MARVELD2: variants seen among roughly 807,000 people sequenced by gnomAD.
The protein encoded by MARVELD2 is MARVEL domain-containing protein 2.
MARVELD2 carries 49 observed loss-of-function variants against 57.6 expected under a neutral mutation model. The ratio of observed to expected loss-of-function variants is 0.85; its 90% CI spans 0.68 to 1.08. MARVELD2 has a LOEUF of 1.08. Among genes scored for constraint, MARVELD2 ranks in the 50% least tolerant of loss-of-function variants. The pLI is 0.00. For synonymous variants in MARVELD2, 238 were observed against 258.8 expected (o/e 0.92, Z 0.77); for missense variants, 606 against 701.1 (o/e 0.86, Z 1.53).
intron 5 of MARVELD2, among the ~76,000 whole-genome samples, chr5:69,437,121 G>A (rs570836700): frequency 1.5e-4 from 23 of 151,410 alleles, no homozygotes; most frequent in Non-Finnish European, 2.2e-4. Flanking sequence ...CCCGGGAGTC[G>A]GAGGTTGCAG....
chr5:69,437,345 C>T (rs1767181060), intron 5 of MARVELD2, among the ~76,000 whole-genome samples: 1 of 144,658 alleles, frequency 6.9e-6, no homozygotes, highest in Admixed American at 7.1e-5. Context: ...CGCGCCATTG[C>T]ACTCCAGCCT....
chr5:69,420,411 A>G lies in MARVELD2; in HGVS notation c.1026A>G (p.Ile342Met). The change falls in exon 2 of 7, where the codon ATA becomes ATG. Residue 342 changes from isoleucine (I) to methionine (M), a missense_variant. Ile to Met is a conservative substitution (Grantham distance 10). Transcript: ENST00000325631. ...AVFCRVEGGQ[I>M]AAMIFLFVTM... ...TCTGCCGGGTAGAAGGAGGACAGAT[A>G]GCTGCAATGATCTTCCTGTTTGTCA... 6.2e-7 allele frequency: 1 copy of G among 1,614,080 alleles called. No homozygotes were observed. The highest frequency in any genetic ancestry group is 8.5e-7 in the Non-Finnish European group (1 of 1,180,044).
In MARVELD2 at chr5:69,419,077, C is replaced by T; in HGVS notation, c.-15-294C>T. 4 of 448,990 alleles carry T rather than the reference C, an allele frequency of 8.9e-6. No homozygotes were observed. In the South Asian group the frequency reaches 9.3e-5, roughly 10 times the overall value. The allele number at this position is 448,990 out of a possible 1,614,324, so 27.8% of individuals were successfully genotyped here. A position where few individuals can be genotyped will look rare whatever the true frequency, so the allele number is the denominator to read the frequency against. On this transcript the variant is annotated intron_variant, in intron 1 of 6. Transcript: ENST00000325631. ...AGTAGCTGGGATCACAGGCGCATGC[C>T]ACAACGCCTGGCTAGTTTTTGTATT...
At position 69,441,848 on chromosome 5, in the gene MARVELD2, C is replaced by A. The variant is rs1306741045; in HGVS notation, c.*194C>A. ...GGGATTACAGGCGTGCGCTGCCACA[C>A]CCCGCTAATTTTTGTATTTTTAGTA... is the stretch of plus-strand genomic sequence containing the variant. On this transcript the variant is annotated 3_prime_UTR_variant, in exon 7 of 7. Transcript: ENST00000325631. The A allele has an allele frequency of 5.0e-6, 2 of 403,742 alleles. No homozygotes were observed. The highest frequency in any genetic ancestry group is 9.1e-6 in the Non-Finnish European group (2 of 218,704). 25.0% of individuals were successfully genotyped at this position (403,742 alleles called of 1,614,324 possible).
At chr5:69,433,449 G>A (rs973970313) in intron 5 of MARVELD2, among the ~76,000 whole-genome samples, 4 of 132,554 alleles carry the variant, frequency 3.0e-5, no homozygotes, top group African/African-American at 1.1e-4. Context: ...ACCGCATTTG[G>A]CATAAAATCT....
At chr5:69,427,233 T>C (rs768621940) in intron 3 of MARVELD2, among the ~76,000 whole-genome samples, 11 of 152,326 alleles carry the variant, frequency 7.2e-5, no homozygotes, top group South Asian at 2.1e-4. Context: ...TGCAGGTTTA[T>C]ATTATAAGCT....
At chr5:69,430,237 G>A (rs1015090002) in intron 3 of MARVELD2, among the ~76,000 whole-genome samples, 2 of 152,018 alleles carry the variant, frequency 1.3e-5, no homozygotes, top group Non-Finnish European at 2.9e-5. Flanking sequence ...TCATGGTGGT[G>A]TGCACCTGTA....
At chr5:69,432,429 C>A in intron 3 of MARVELD2, 98 bp from the exon 4 acceptor site, 2 of 1,357,328 alleles carry the variant, frequency 1.5e-6, no homozygotes, top group Non-Finnish European at 2.1e-6. Flanking sequence ...GTTTGAGCCA[C>A]CCCACCTGAT....
intron 1 of MARVELD2, among the ~76,000 whole-genome samples, chr5:69,416,609 G>A (rs752974226): frequency 2.0e-5 from 3 of 152,226 alleles, no homozygotes; most frequent in Non-Finnish European, 4.4e-5. Flanking sequence ...TCTATTGGCA[G>A]AGGAAATAGT....
rs188519988 is a variant in MARVELD2, at chr5:69,430,783, C to A, written c.1183-1744C>A. 3.5e-4 allele frequency among the ~76,000 whole-genome samples: 53 copies of A among 151,610 alleles called. 1 individual carries two copies. Among genetic ancestry groups the A allele is most frequent in the Admixed American group, 3.2e-3 (49 of 15,220 alleles). On this transcript the variant is annotated intron_variant, in intron 3 of 6. Coordinates refer to ENST00000325631, the MANE Select transcript of MARVELD2 (RefSeq NM_001038603.3). The stretch of plus-strand genomic sequence containing the variant: ...TCCTGACATTAAATGATCCACCCCC[C>A]TCGGCCTCCCAAAGTGCTGAGATTA...
chr5:69,434,440 C>T (rs1418483744), intron 5 of MARVELD2, among the ~76,000 whole-genome samples: 1 of 143,464 alleles, frequency 7.0e-6, no homozygotes, highest in Non-Finnish European at 1.5e-5. Flanking sequence ...GCCTGAAGGA[C>T]AGAGTGAGAC....
At position 69,419,971 on chromosome 5, in the gene MARVELD2, C is replaced by T. The variant is rs770998394; in HGVS notation, c.586C>T (p.Leu196=). The T allele has an allele frequency of 5.0e-6, 8 of 1,614,018 alleles. No individual in the cohort carries two copies. In the Admixed American group the frequency reaches 1.2e-4, roughly 24 times the overall value. The change falls in exon 2 of 7, where the codon CTG becomes TTG. Residue 196 remains leucine (L), a synonymous_variant. Coordinates refer to ENST00000325631, the MANE Select transcript of MARVELD2 (RefSeq NM_001038603.3). ...GTCGTGGGCAGGCCTGCTGAGAATA[C>T]TGGGTGTGGTGGAGCTGCTTTTGGG... The part of the protein sequence containing the change: ...MKSWAGLLRI[L]GVVELLLGAG...
At position 69,424,607 on chromosome 5, in the gene MARVELD2, G is replaced by A; in HGVS notation, c.1153G>A (p.Glu385Lys). ...REYMEQQEINEPSLSSKRKMC... is the reference protein window; with the variant it reads ...REYMEQQEINKPSLSSKRKMC... ...TGAACTCTTTTTGTTCCAGATAAATGAGCCATCATTGTCATCGAAAAGGAA... is the reference window on the plus strand; with the variant it reads ...TGAACTCTTTTTGTTCCAGATAAATAAGCCATCATTGTCATCGAAAAGGAA... Residue 385 changes from glutamate to lysine, a missense_variant, in exon 3 of 7, where the codon GAG becomes AAG. Coordinates refer to ENST00000325631, the MANE Select transcript of MARVELD2 (RefSeq NM_001038603.3). 6.2e-7 allele frequency: 1 copy of A among 1,603,880 alleles called. No homozygotes were observed. Among genetic ancestry groups the A allele is most frequent in the Non-Finnish European group, 8.5e-7 (1 of 1,170,426 alleles).
At position 69,442,441 on chromosome 5, in the gene MARVELD2, T is replaced by G. The variant is rs1460340042; in HGVS notation, c.*787T>G. ...GCAAATTGCTTAATCTCTCTGTGCC[T>G]GTTTCCTCTTCTGTAAAATGGGGCT... On this transcript the variant is annotated 3_prime_UTR_variant, in exon 7 of 7. Coordinates refer to ENST00000325631, the MANE Select transcript of MARVELD2 (RefSeq NM_001038603.3). 6.6e-6 allele frequency: 1 copy of G among 152,252 alleles called. No homozygotes were observed. Among genetic ancestry groups the G allele is most frequent in the Non-Finnish European group, 1.5e-5 (1 of 68,060 alleles). The allele number at this position is 152,252 out of a possible 1,614,324, so 9.4% of individuals were successfully genotyped here.
intron 2 of MARVELD2, among the ~76,000 whole-genome samples, chr5:69,422,214 G>T: frequency 6.6e-6 from 1 of 152,156 alleles, no homozygotes; most frequent in Non-Finnish European, 1.5e-5. Context: ...CTTGAAAAAA[G>T]AACAGGATAA....
chr5:69,427,671 A>C (rs1218130502), intron 3 of MARVELD2, among the ~76,000 whole-genome samples: 1 of 152,254 alleles, frequency 6.6e-6, no homozygotes, highest in Non-Finnish European at 1.5e-5. Flanking sequence ...ACTCTGGGGC[A>C]CTGGGACATT....
chr5:69,419,214 C>T, intron 1 of MARVELD2, 157 bp from the exon 2 acceptor site: 2 of 809,956 alleles, frequency 2.5e-6, no homozygotes, highest in Non-Finnish European at 4.0e-6. Context: ...GCATGAGCCA[C>T]CGTGCCCGGT....
At chr5:69,417,393 TCCAC>T (rs1397343850) in intron 1 of MARVELD2, among the ~76,000 whole-genome samples, 2 of 152,238 alleles carry the variant, frequency 1.3e-5, no homozygotes, top group African/African-American at 4.8e-5. Context: ...GTCTGGTTTG[TCCAC>T]CAGTATACTT....
At chr5:69,422,408 C>T (rs994474383) in intron 2 of MARVELD2, among the ~76,000 whole-genome samples, 9 of 152,074 alleles carry the variant, frequency 5.9e-5, no homozygotes, top group African/African-American at 1.4e-4. Flanking sequence ...CTGAAATGGC[C>T]GCTTTGGGGA....
Sources: allele counts gnomAD v4.1 joint callset (sites outside exome capture counted in the v4.1 genomes callset), GRCh38; gene constraint gnomAD v4.1.1; transcripts MANE v1.5; gene names NCBI Gene and HGNC (gene_info 2026-07-23, HGNC 2026-07-21).